Variants in CDH12 observed in about 807,000 individuals in gnomAD.
CDH12 encodes cadherin 12.
CDH12 carries 41 observed loss-of-function variants against 74.1 expected under a neutral mutation model. The ratio of observed to expected loss-of-function variants is 0.55; its 90% CI spans 0.43 to 0.72. CDH12 has a LOEUF of 0.72. CDH12 is among the 30% of genes least tolerant of loss of function. The pLI is 0.00. For synonymous variants in CDH12, 399 were observed against 355.0 expected (o/e 1.12, Z -1.39); for missense variants, 945 against 977.2 (o/e 0.97, Z 0.44).
At chr5:22,313,410 T>C (rs1738472976) in intron 3 of CDH12, among the ~76,000 whole-genome samples, 1 of 152,190 alleles carries the variant, frequency 6.6e-6, no homozygotes, top group African/African-American at 2.4e-5. Context: ...AGGAGATGAA[T>C]GCCTTCTGGA....
At position 22,801,803 on chromosome 5, in the gene CDH12, G is replaced by T. The variant is rs187704148; in HGVS notation, c.-523+51255C>A. ...TCTGTCCTGTATTTATTTTTCTCTG[G>T]TATCACTATAGTGTTTAAATGTGCA... On this transcript the variant is annotated intron_variant, in intron 1 of 14. Transcript: ENST00000382254. Among the ~76,000 whole-genome samples, 380 of 150,768 alleles carry T rather than the reference G, an allele frequency of 2.5e-3. 4 individuals carry two copies. The highest frequency in any genetic ancestry group is 8.9e-3 in the African/African-American group (366 of 41,186).
intron 3 of CDH12, among the ~76,000 whole-genome samples, chr5:22,269,047 CTT>C (rs2150398930): frequency 6.6e-6 from 1 of 152,184 alleles, no homozygotes; most frequent in East Asian, 1.9e-4. Context: ...GCTCATCTCT[CTT>C]TGTACAAGCA....
At chr5:22,462,271 A>G (rs1298877826) in intron 2 of CDH12, among the ~76,000 whole-genome samples, 2 of 152,224 alleles carry the variant, frequency 1.3e-5, no homozygotes, top group African/African-American at 4.8e-5. Context: ...AATTAAAGCC[A>G]TATATATGAT....
chr5:22,301,012 T>C (rs564129066), intron 3 of CDH12, among the ~76,000 whole-genome samples: 2 of 152,356 alleles, frequency 1.3e-5, no homozygotes, highest in South Asian at 4.1e-4. Context: ...ATTGCTAACC[T>C]TGATCATAAA....
At chr5:22,440,164 G>C (rs970630944) in intron 2 of CDH12, among the ~76,000 whole-genome samples, 1 of 151,992 alleles carries the variant, frequency 6.6e-6, no homozygotes, top group Non-Finnish European at 1.5e-5. Flanking sequence ...ATGTAGAGTA[G>C]TATGCTATCA....
At chr5:22,684,008 G>C (rs1741632604) in intron 1 of CDH12, among the ~76,000 whole-genome samples, 1 of 152,232 alleles carries the variant, frequency 6.6e-6, no homozygotes. Context: ...TATAACTGCA[G>C]TTAAGGACAA....
chr5:22,433,434 T>C (rs1349730101), intron 2 of CDH12, among the ~76,000 whole-genome samples: 1 of 152,110 alleles, frequency 6.6e-6, no homozygotes, highest in Non-Finnish European at 1.5e-5. Flanking sequence ...ACAACGGTTG[T>C]ACTGGAGATA....
At chr5:21,798,020 C>T (rs927040033) in intron 10 of CDH12, among the ~76,000 whole-genome samples, 7 of 152,000 alleles carry the variant, frequency 4.6e-5, no homozygotes, top group African/African-American at 1.7e-4. Context: ...TCTTCATTTA[C>T]CTTTTAATTA....
chr5:21,942,770 T>C (rs950001991), intron 6 of CDH12, among the ~76,000 whole-genome samples: 4 of 152,134 alleles, frequency 2.6e-5, no homozygotes, highest in African/African-American at 9.7e-5. Flanking sequence ...TGCTACATTA[T>C]CCTGACAAAA....
At chr5:22,738,976 C>G (rs1744879430) in intron 1 of CDH12, among the ~76,000 whole-genome samples, 1 of 151,964 alleles carries the variant, frequency 6.6e-6, no homozygotes, top group Non-Finnish European at 1.5e-5. Flanking sequence ...AAGCTCTGTA[C>G]CAATTTATAA....
At position 22,645,053 on chromosome 5, in the gene CDH12, G is replaced by A. The variant is rs147151134; in HGVS notation, c.-522-139689C>T. Among the ~76,000 whole-genome samples, 550 of 152,142 alleles carry A rather than the reference G, an allele frequency of 3.6e-3. 1 individual carries two copies. Among genetic ancestry groups the A allele is most frequent in the African/African-American group, 0.01 (423 of 41,524 alleles). On this transcript the variant is annotated intron_variant, in intron 1 of 14. Coordinates refer to ENST00000382254, the MANE Select transcript of CDH12 (RefSeq NM_004061.5). ...GGACATTAATGCTGTTTCTATGCTT[G>A]CTAAGTCAGCATTTATTCTGCAGCC...
chr5:22,261,632 G>A (rs1275800540), intron 3 of CDH12, among the ~76,000 whole-genome samples: 1 of 151,990 alleles, frequency 6.6e-6, no homozygotes, highest in Non-Finnish European at 1.5e-5. Context: ...ACTACTCTAA[G>A]TAACGCAAAT....
At chr5:22,083,072 A>T (rs981470190) in intron 4 of CDH12, among the ~76,000 whole-genome samples, 1 of 152,192 alleles carries the variant, frequency 6.6e-6, no homozygotes, top group Non-Finnish European at 1.5e-5. Context: ...GGATCTGCAC[A>T]TATCTTTTTT....
At chr5:22,263,568 C>T (rs544049795) in intron 3 of CDH12, among the ~76,000 whole-genome samples, 1 of 152,168 alleles carries the variant, frequency 6.6e-6, no homozygotes, top group African/African-American at 2.4e-5. Flanking sequence ...TTTTGTAACT[C>T]AATTCCATTT....
At chr5:22,141,412 A>G (rs1319119755) in intron 4 of CDH12, 2 of 152,204 alleles carry the variant, frequency 1.3e-5, no homozygotes, top group Non-Finnish European at 2.9e-5. Flanking sequence ...TTGAGACCTG[A>G]GAAGTAAACA....
chr5:22,807,216 C>T (rs1362687724), intron 1 of CDH12, among the ~76,000 whole-genome samples: 1 of 152,068 alleles, frequency 6.6e-6, no homozygotes, highest in African/African-American at 2.4e-5. Flanking sequence ...ATAATTGTGG[C>T]ATGCATATGG....
At chr5:22,802,549 T>C (rs1748588870) in intron 1 of CDH12, among the ~76,000 whole-genome samples, 1 of 152,160 alleles carries the variant, frequency 6.6e-6, no homozygotes, top group South Asian at 2.1e-4. Flanking sequence ...CCTATCCTCA[T>C]TTGCTTGTCA....
At chr5:22,010,504 A>G (rs1737236152) in intron 5 of CDH12, among the ~76,000 whole-genome samples, 1 of 152,086 alleles carries the variant, frequency 6.6e-6, no homozygotes, top group African/African-American at 2.4e-5. Context: ...GCTTCATGGA[A>G]CTCTATTGCT....
intron 1 of CDH12, among the ~76,000 whole-genome samples, chr5:22,817,238 T>C (rs1749437912): frequency 6.6e-6 from 1 of 152,148 alleles, no homozygotes; most frequent in Non-Finnish European, 1.5e-5. Context: ...CATTAAGATA[T>C]ACAATGTAGA....
Sources: gnomAD v4.1 joint callset for allele counts (sites outside exome capture counted in the v4.1 genomes callset) on GRCh38, gnomAD v4.1.1 for gene constraint, MANE v1.5 for transcripts, NCBI Gene and HGNC (gene_info 2026-07-23, HGNC 2026-07-21) for gene names.